Variants in NDUFAF6 observed in about 807,000 individuals in gnomAD.
NDUFAF6 encodes the protein NADH dehydrogenase (ubiquinone) complex I, assembly factor 6.
In NDUFAF6, 45 loss-of-function variants were observed where a neutral mutation model predicts 40.8. The observed-to-expected ratio is 1.10, with a 90% CI of 0.87 to 1.42. NDUFAF6 has a LOEUF of 1.42. Ranked by LOEUF, NDUFAF6 falls within the 40% of genes most tolerant of loss-of-function variation. NDUFAF6 has a pLI of 0.00. For missense variants in NDUFAF6, 435 were observed against 418.5 expected, an observed-to-expected ratio of 1.04 and a Z score of -0.34; for synonymous variants, 185 against 155.9, an observed-to-expected ratio of 1.19 and a Z score of -1.39.
At chr8:94,972,848 A>T (rs1175343788) in intron 1 of NDUFAF6, among the ~76,000 whole-genome samples, 1 of 152,002 alleles carries the variant, frequency 6.6e-6, no homozygotes, top group East Asian at 1.9e-4. Context: ...GCAGTGAGCC[A>T]TGATTGTGCC....
chr8:94,914,478 T>G (rs1818994882), intron 1 of NDUFAF6, among the ~76,000 whole-genome samples: 1 of 152,212 alleles, frequency 6.6e-6, no homozygotes, highest in Admixed American at 6.5e-5. Context: ...ACCGCCAGTT[T>G]TATCTCATGT....
chr8:95,086,895 GC>G (rs1348263973), intron 2 of NDUFAF6, among the ~76,000 whole-genome samples: 3 of 151,992 alleles, frequency 2.0e-5, no homozygotes, highest in East Asian at 1.9e-4. Flanking sequence ...GAGCCACCGC[GC>G]CCCGGCCCCT....
At chr8:95,052,308 C>T (rs1831528334) in intron 8 of NDUFAF6, 78 bp downstream of exon 8, 10 of 1,459,564 alleles carry the variant, frequency 6.9e-6, no homozygotes, top group Non-Finnish European at 8.6e-6. Context: ...TATAAAGTTC[C>T]CAATGAACTT....
intron 1 of NDUFAF6, among the ~76,000 whole-genome samples, chr8:94,909,324 GGAC>G: frequency 8.2e-6 from 1 of 122,584 alleles, no homozygotes; most frequent in South Asian, 2.7e-4. Flanking sequence ...ACTCCAGCCT[GGAC>G]GACAGAGGGA....
At chr8:95,101,642 G>T (rs143228461) in intron 2 of NDUFAF6, among the ~76,000 whole-genome samples, 1 of 152,172 alleles carries the variant, frequency 6.6e-6, no homozygotes, top group Non-Finnish European at 1.5e-5. Flanking sequence ...CTGCTTTCAC[G>T]TGATGGACAC....
intron 2 of NDUFAF6, among the ~76,000 whole-genome samples, chr8:94,983,783 G>A (rs1825633962): frequency 6.6e-6 from 1 of 152,186 alleles, no homozygotes; most frequent in South Asian, 2.1e-4. Flanking sequence ...TCCAGAGAGT[G>A]TCCAGGGTCC....
At chr8:95,064,038 ATTTTTTTTT>A (rs1160777112) in intron 9 of NDUFAF6, among the ~76,000 whole-genome samples, 14 of 104,814 alleles carry the variant, frequency 1.3e-4, no homozygotes, top group Middle Eastern at 6.0e-3. Context: ...CGCCTGGCTA[ATTTTTTTTT>A]TTTTTTTTTT....
chr8:95,026,090 G>GT lies in NDUFAF6; in HGVS notation c.197+895dup, dbSNP rs369175598. Among the ~76,000 whole-genome samples the GT allele has an allele frequency of 5.0e-3, 744 of 149,490 alleles. 2 individuals are homozygous for GT. The highest frequency in any genetic ancestry group is 0.016 in the African/African-American group (652 of 40,742). On this transcript the variant is annotated intron_variant, in intron 1 of 8. Coordinates refer to ENST00000396124, the MANE Select transcript of NDUFAF6 (RefSeq NM_152416.4). ...TGAAGTTGATCATGCAAGTAAAACC[G>GT]TTTTTTTTTTAATTCCATTTTAGAG...
At position 95,057,924 on chromosome 8, in the gene NDUFAF6, G is replaced by C; in HGVS notation, c.989G>C (p.Arg330Thr). Residue 330 changes from arginine (R) to threonine (T), a missense_variant, in exon 9 of 9, where the codon AGA becomes ACA. By Grantham distance (71) the Arg-to-Thr change is moderately conservative. Coordinates refer to ENST00000396124, the MANE Select transcript of NDUFAF6 (RefSeq NM_152416.4). ...TTATATTTGTATATTCAGTCATGGA[G>C]AAAAACATATTAAAATAATTTCATG... The part of the protein sequence containing the change: ...LPLYLYIQSW[R>T]KTY The C allele has an allele frequency of 6.5e-7, 1 of 1,537,838 alleles. No individual in the cohort carries two copies. Among genetic ancestry groups the C allele is most frequent in the Non-Finnish European group, 9.0e-7 (1 of 1,111,530 alleles).
At chr8:94,949,871 G>A (rs1460253033) in intron 2 of NDUFAF6, among the ~76,000 whole-genome samples, 1 of 152,164 alleles carries the variant, frequency 6.6e-6, no homozygotes, top group Admixed American at 6.5e-5. Flanking sequence ...GCCCCACCTG[G>A]TCAGCCTAGG....
chr8:95,116,519 AT>A (rs1375060443), downstream of NDUFAF6: 1 of 151,804 alleles, frequency 6.6e-6, no homozygotes, highest in Non-Finnish European at 1.5e-5. Context: ...CAACCAGCTA[AT>A]TTTTCTTTTT....
intron 1 of NDUFAF6, among the ~76,000 whole-genome samples, chr8:94,964,705 C>G (rs1823869720): frequency 6.6e-6 from 1 of 152,194 alleles, no homozygotes; most frequent in Non-Finnish European, 1.5e-5. Flanking sequence ...TCACTCATCA[C>G]CAAGGGGATG....
At chr8:95,008,168 T>A (rs866427847) in intron 2 of NDUFAF6, among the ~76,000 whole-genome samples, 4 of 152,226 alleles carry the variant, frequency 2.6e-5, no homozygotes, top group African/African-American at 9.7e-5. Context: ...TGCTCATTTA[T>A]CCTTCTCCTC....
downstream of NDUFAF6, among the ~76,000 whole-genome samples, chr8:95,059,562 A>C (rs1254295348): frequency 6.6e-6 from 1 of 152,140 alleles, no homozygotes; most frequent in Non-Finnish European, 1.5e-5. Flanking sequence ...AATACAAGGA[A>C]ATGGGGCCGG....
At chr8:95,105,160 T>A (rs369815219), downstream of NDUFAF6, among the ~76,000 whole-genome samples, 58 of 151,458 alleles carry the variant, frequency 3.8e-4, no homozygotes, top group East Asian at 6.0e-3. Context: ...CAGTTCCAGA[T>A]GGCTTCCTAG....
At chr8:95,095,135 T>TA (rs139359101) in intron 2 of NDUFAF6, among the ~76,000 whole-genome samples, 13,801 of 151,714 alleles carry the variant, frequency 0.091, 2,111 homozygotes, top group African/African-American at 0.32. Flanking sequence ...GGAGAAAGAT[T>TA]AAAAAAAGAA....
intron 1 of NDUFAF6, among the ~76,000 whole-genome samples, chr8:94,935,374 G>A (rs1159330215): frequency 6.6e-6 from 1 of 152,118 alleles, no homozygotes; most frequent in Non-Finnish European, 1.5e-5. Context: ...TAATTAACTG[G>A]GTAATGGGGT....
At chr8:95,101,241 G>A (rs935309653) in intron 2 of NDUFAF6, 1 of 152,146 alleles carries the variant, frequency 6.6e-6, no homozygotes, top group Non-Finnish European at 1.5e-5. Flanking sequence ...GTCACATAAT[G>A]CACAATGTTG....
chr8:95,009,341 C>G (rs1346569009), intron 2 of NDUFAF6, among the ~76,000 whole-genome samples: 1 of 144,970 alleles, frequency 6.9e-6, no homozygotes, highest in Admixed American at 7.1e-5. Context: ...ATCACTCACT[C>G]ACATAATTGC....
Sources: allele counts gnomAD v4.1 joint callset (sites outside exome capture counted in the v4.1 genomes callset), GRCh38; gene constraint gnomAD v4.1.1; transcripts MANE v1.5; gene names NCBI Gene and HGNC (gene_info 2026-07-23, HGNC 2026-07-21).